Variants in UBN1 observed in about 807,000 individuals in gnomAD.
The protein encoded by UBN1 is ubinuclein-1.
UBN1 carries 17 observed loss-of-function variants against 108.5 expected under a neutral mutation model. That is an observed-to-expected ratio of 0.16 (90% CI 0.11 to 0.24). The LOEUF (loss-of-function observed/expected upper bound fraction) is 0.24, where lower values mean the gene tolerates loss of function less well. UBN1 is among the 10% of genes least tolerant of loss of function. UBN1 has a pLI of 1.00. For synonymous variants in UBN1, 726 were observed against 564.2 expected, an observed-to-expected ratio of 1.29 and a Z score of -4.07; for missense variants, 1,595 against 1,394.4, an observed-to-expected ratio of 1.14 and a Z score of -2.29.
intron 6 of UBN1, 118 bp from the exon 7 acceptor site, chr16:4,860,546 G>T: frequency 9.6e-7 from 1 of 1,038,014 alleles, no homozygotes; most frequent in East Asian, 2.4e-5. Context: ...GGAATGACAG[G>T]GTGGACTGTG....
intron 7 of UBN1, among the ~76,000 whole-genome samples, chr16:4,864,574 T>G (rs190063002): frequency 1.3e-5 from 2 of 152,274 alleles, no homozygotes; most frequent in Admixed American, 6.5e-5. Context: ...TAATATGCAT[T>G]GATGGTGTCT....
rs552263575 is a variant in UBN1, at chr16:4,858,763, T to C, written c.432+100T>C. 8.5e-6 allele frequency: 10 copies of C among 1,179,512 alleles called. No individual in the cohort carries two copies. In the African/African-American group the frequency reaches 1.2e-4, roughly 14 times the overall value. The allele number at this position is 1,179,512 out of a possible 1,614,324, so 73.1% of individuals were successfully genotyped here. ...GGGTGGGGTCAGAGCAGTCGTGCCC[T>C]CTTCCCAGCATGAGGCAGTAGCAGC... On this transcript the variant is annotated intron_variant, in intron 4 of 17. Transcript: ENST00000262376.
Position 4,858,567 on chromosome 16 carries a change from G to C in UBN1, c.337-1G>C. On this transcript the variant is annotated splice_acceptor_variant, in intron 3 of 17. Transcript: ENST00000262376. LOFTEE classifies it high-confidence loss of function. Reference sequence around the variant, plus strand: ...TGTAATCTATTGCTTTCACATTTTAGGGTGGAAAGAAACGTAGAAAAGACC... The same window carrying C: ...TGTAATCTATTGCTTTCACATTTTACGGTGGAAAGAAACGTAGAAAAGACC... 1 of 1,613,810 alleles carries C rather than the reference G, an allele frequency of 6.2e-7. No homozygotes were observed. The highest frequency in any genetic ancestry group is 8.5e-7 in the Non-Finnish European group (1 of 1,179,750).
rs769431416 is a variant in UBN1 at position 4,870,478 on chromosome 16, G to A, written c.1312-38G>A. On this transcript the variant is annotated intron_variant, in intron 9 of 17. Coordinates refer to ENST00000262376, the MANE Select transcript of UBN1 (RefSeq NM_001079514.3). The stretch of plus-strand genomic sequence containing the variant: ...CATGCGTCCTGAGCGTAAGAGCGAT[G>A]TGTAAACCTGCCTTGAATTGTGTCC... 15 of 1,613,666 alleles carry A rather than the reference G, an allele frequency of 9.3e-6. 1 individual carries two copies. The African/African-American group carries it at 2.0e-4, about 22-fold the overall frequency.
At position 4,860,847 on chromosome 16, in the gene UBN1, C is replaced by T. The variant is rs769605096; in HGVS notation, c.855C>T (p.Ala285=). The T allele has an allele frequency of 2.5e-6, 4 of 1,614,156 alleles. No homozygotes were observed. The South Asian group carries it at 3.3e-5, about 13-fold the overall frequency. Residue 285 remains alanine (A), a synonymous_variant, in exon 7 of 18, where the codon GCC becomes GCT. Transcript: ENST00000262376. ...EAQGLRELEG[A]SDPLLSLFGS... ...AGGGCCTGCGGGAACTGGAGGGTGC[C>T]TCTGACCCCTTGCTCTCACTCTTTG...
Position 4,874,461 on chromosome 16 carries a change from A to G in UBN1, c.2051A>G (p.Asn684Ser). 1.2e-6 allele frequency: 2 copies of G among 1,614,234 alleles called. No homozygotes were observed. Among genetic ancestry groups the G allele is most frequent in the South Asian group, 1.1e-5 (1 of 91,082 alleles). Residue 684 changes from asparagine (N) to serine (S), a missense_variant, in exon 15 of 18, where the codon AAT becomes AGT. Coordinates refer to ENST00000262376, the MANE Select transcript of UBN1 (RefSeq NM_001079514.3). ...EAVSKELAAL[N>S]SRAAGNSEFT... The stretch of plus-strand genomic sequence containing the variant: ...GTGTCCAAGGAATTGGCTGCATTGA[A>G]TAGCAGAGCAGCTGGGAACTCTGAA...
In UBN1 at chr16:4,860,769, G is replaced by A; in HGVS notation, c.777G>A (p.Gln259=). ...AATTTCAGAAAGAGAAAGAGGCTCA[G>A]AAAAAAAGGGAGGAGGAGCATAAGC... ...LKKFQKEKEA[Q]KKREEEHKPV... is the part of the protein sequence containing the mutation. Residue 259 remains glutamine, a synonymous_variant, in exon 7 of 18, where the codon CAG becomes CAA. Transcript: ENST00000262376. 2 of 1,614,170 alleles carry A rather than the reference G, an allele frequency of 1.2e-6. No individual in the cohort carries two copies. Among genetic ancestry groups the A allele is most frequent in the Non-Finnish European group, 1.7e-6 (2 of 1,180,016 alleles).
intron 1 of UBN1, among the ~76,000 whole-genome samples, chr16:4,852,039 T>TTTGGTTGCTTCC (rs2086584557): frequency 3.3e-5 from 5 of 152,208 alleles, no homozygotes; most frequent in African/African-American, 9.6e-5. Flanking sequence ...GTCATTTGAT[T>TTTGGTTGCTTCC]GTCATTTTGG....
At chr16:4,860,021 A>T in intron 6 of UBN1, 53 bp downstream of exon 6, 1 of 1,605,354 alleles carries the variant, frequency 6.2e-7, no homozygotes, top group Non-Finnish European at 8.5e-7. Flanking sequence ...TTAGGGCAGG[A>T]CGACTGGGAG....
chr16:4,876,324 C>T (rs1486792133), intron 15 of UBN1, among the ~76,000 whole-genome samples: 1 of 152,172 alleles, frequency 6.6e-6, no homozygotes, highest in African/African-American at 2.4e-5. Flanking sequence ...TTGGAGGTCT[C>T]ACCTCCTTTC....
chr16:4,868,716 G>A (rs560963909), intron 7 of UBN1, 117 bp from the exon 8 acceptor site: 17 of 889,456 alleles, frequency 1.9e-5, no homozygotes, highest in Admixed American at 1.2e-4. Flanking sequence ...GAAAGGTGGC[G>A]GTGTGACTGT....
chr16:4,854,917 T>G (rs1800737799), intron 2 of UBN1, among the ~76,000 whole-genome samples: 1 of 152,068 alleles, frequency 6.6e-6, no homozygotes, highest in South Asian at 2.1e-4. Flanking sequence ...AGAGACAGGG[T>G]TCCACCGTGT....
At chr16:4,857,618 C>G (rs1268835297) in intron 2 of UBN1, among the ~76,000 whole-genome samples, 2 of 152,136 alleles carry the variant, frequency 1.3e-5, no homozygotes, top group African/African-American at 4.8e-5. Context: ...AGTCAATGGA[C>G]TCTTTCTTAG....
At chr16:4,879,560 A>C (rs888594354) in intron 17 of UBN1, among the ~76,000 whole-genome samples, 3 of 152,242 alleles carry the variant, frequency 2.0e-5, no homozygotes, top group Non-Finnish European at 4.4e-5. Context: ...ACTTCCTTAG[A>C]TGGACTTCAG....
intron 12 of UBN1, chr16:4,872,265 G>A (rs1323551935): frequency 1.0e-6 from 1 of 985,322 alleles, no homozygotes; most frequent in African/African-American, 1.7e-5. Context: ...TTTTATTCCT[G>A]GAATGGAGGG....
chr16:4,860,770 A>G lies in UBN1; in HGVS notation c.778A>G (p.Lys260Glu). 1 of 1,614,198 alleles carries G rather than the reference A, an allele frequency of 6.2e-7. No individual in the cohort carries two copies. The highest frequency in any genetic ancestry group is 1.3e-5 in the African/African-American group (1 of 75,066). ...ATTTCAGAAAGAGAAAGAGGCTCAG[A>G]AAAAAAGGGAGGAGGAGCATAAGCC... is the stretch of plus-strand genomic sequence containing the variant. ...KKFQKEKEAQ[K>E]KREEEHKPVA... Residue 260 changes from lysine (K) to glutamate (E), a missense_variant, in exon 7 of 18, where the codon AAA (lysine) becomes GAA (glutamate). Transcript: ENST00000262376.
At position 4,859,137 on chromosome 16, in the gene UBN1, A is replaced by C. The variant is rs1462916062; in HGVS notation, c.545A>C (p.Glu182Ala). The C allele has an allele frequency of 6.2e-7, 1 of 1,613,238 alleles. No individual in the cohort carries two copies. The highest frequency in any genetic ancestry group is 8.5e-7 in the Non-Finnish European group (1 of 1,179,834). The change falls in exon 5 of 18, where the codon GAA becomes GCA. Residue 182 changes from glutamate to alanine, a missense_variant. Physicochemically the swap from Glu to Ala is moderately radical, Grantham distance 107. This residue lies in a region of UBN1 where 1,398 missense variants were observed against 1,194.7 expected (regional missense o/e 1.17). Coordinates refer to ENST00000262376, the MANE Select transcript of UBN1 (RefSeq NM_001079514.3). ...ASESEDDFIK[E>A]KKKKSPKKRK... ...GAGTCTGAAGATGACTTCATTAAAG[A>C]AAAGAAGAAAAAATCTCCAAAGGTT... is the stretch of plus-strand genomic sequence containing the variant.
intron 2 of UBN1, among the ~76,000 whole-genome samples, chr16:4,853,377 A>G (rs926547056): frequency 6.6e-6 from 1 of 152,172 alleles, no homozygotes. Context: ...ATTAACATAA[A>G]TTTTAAAAAC....
At chr16:4,851,091 A>AG in intron 1 of UBN1, among the ~76,000 whole-genome samples, 1 of 152,234 alleles carries the variant, frequency 6.6e-6, no homozygotes, top group Non-Finnish European at 1.5e-5. Flanking sequence ...CAGCAGAGGA[A>AG]GGAAGGATTG....
Sources: gnomAD v4.1 joint callset for allele counts (sites outside exome capture counted in the v4.1 genomes callset) on GRCh38, gnomAD v4.1.1 for gene constraint, gnomAD v4.1.1 regional missense constraint, MANE v1.5 for transcripts, NCBI Gene and HGNC (gene_info 2026-07-23, HGNC 2026-07-21) for gene names.